Variants in AGGF1 observed in about 807,000 individuals in gnomAD.
AGGF1 encodes angiogenic factor with G patch and FHA domains 1.
In AGGF1, 56 loss-of-function variants were observed where a neutral mutation model predicts 86.5. The ratio of observed to expected loss-of-function variants is 0.65; its 90% CI spans 0.52 to 0.81. AGGF1 has a LOEUF of 0.81. Ranked by LOEUF, AGGF1 falls within the 30% of genes least tolerant of loss-of-function variation. The pLI, the probability that AGGF1 is intolerant of heterozygous loss-of-function variation, is 0.00. For missense variants in AGGF1, 816 were observed against 850.9 expected, an observed-to-expected ratio of 0.96 and a Z score of 0.51; for synonymous variants, 313 against 297.1, an observed-to-expected ratio of 1.05 and a Z score of -0.55.
At chr5:77,056,624 C>CCATCT (rs1424741607) in intron 11 of AGGF1, among the ~76,000 whole-genome samples, 3 of 150,620 alleles carry the variant, frequency 2.0e-5, no homozygotes, top group African/African-American at 7.3e-5. Context: ...ATACCTTGAA[C>CCATCT]CATCTATAAA....
chr5:77,035,518 T>A (rs1169663313), intron 2 of AGGF1, 23 bp from the exon 3 acceptor site: 14 of 1,570,688 alleles, frequency 8.9e-6, no homozygotes, highest in Non-Finnish European at 1.2e-5. Context: ...ATGATACGAT[T>A]TCACTTCATT....
intron 6 of AGGF1, among the ~76,000 whole-genome samples, chr5:77,047,159 G>T (rs1747270415): frequency 6.6e-6 from 1 of 152,042 alleles, no homozygotes; most frequent in Non-Finnish European, 1.5e-5. Flanking sequence ...GTATCCATGG[G>T]TTCTACTTTA....
Position 77,030,869 on chromosome 5 carries a change from G to A in AGGF1, c.103G>A (p.Glu35Lys). ...LRRKVEKLER[E>K]LRSCKRQVRE... ...GCGGAAGGTGGAGAAGTTGGAACGT[G>A]AACTGCGGAGCTGCAAGCGGCAGGT... Residue 35 changes from glutamate to lysine, a missense_variant, in exon 1 of 14, where the codon GAA (glutamate) becomes AAA (lysine). Glu to Lys is a moderately conservative substitution (Grantham distance 56). This residue lies in a region of AGGF1 where 240 missense variants were observed against 234.4 expected (regional missense o/e 1.02). Coordinates refer to ENST00000312916, the MANE Select transcript of AGGF1 (RefSeq NM_018046.5). 1 of 1,613,374 alleles carries A rather than the reference G, an allele frequency of 6.2e-7. No individual in the cohort carries two copies. Among genetic ancestry groups the A allele is most frequent in the South Asian group, 1.1e-5 (1 of 91,064 alleles).
chr5:77,030,451 T>C lies in AGGF1; in HGVS notation c.-316T>C. 1 of 557,804 alleles carries C rather than the reference T, an allele frequency of 1.8e-6. No individual in the cohort carries two copies. Among genetic ancestry groups the C allele is most frequent in the South Asian group, 1.5e-5 (1 of 65,552 alleles). The allele number at this position is 557,804 out of a possible 1,614,324, so 34.6% of individuals were successfully genotyped here. Reference sequence around the variant, plus strand: ...GGGAGCTGCTGGAGCTCTTCTGGCCTCTGGTTTTCCGACTGCTTATCCGAC... The same window carrying C: ...GGGAGCTGCTGGAGCTCTTCTGGCCCCTGGTTTTCCGACTGCTTATCCGAC... On this transcript the variant is annotated 5_prime_UTR_variant, in exon 1 of 14. Coordinates refer to ENST00000312916, the MANE Select transcript of AGGF1 (RefSeq NM_018046.5).
intron 5 of AGGF1, among the ~76,000 whole-genome samples, chr5:77,041,333 G>A (rs1214355415): frequency 3.3e-5 from 5 of 152,118 alleles, no homozygotes; most frequent in Admixed American, 1.3e-4. Context: ...TTGGGAGGCC[G>A]AGGCAGGCGG....
At chr5:77,056,426 C>G (rs1747460230) in intron 11 of AGGF1, among the ~76,000 whole-genome samples, 1 of 151,742 alleles carries the variant, frequency 6.6e-6, no homozygotes, top group South Asian at 2.1e-4. Flanking sequence ...ACAAGGTTCA[C>G]AGCGTTGGCC....
chr5:77,038,954 T>C (rs1328198906), intron 4 of AGGF1, among the ~76,000 whole-genome samples: 1 of 152,192 alleles, frequency 6.6e-6, no homozygotes, highest in Non-Finnish European at 1.5e-5. Context: ...GTGGAGACAG[T>C]TTATTGATTG....
At chr5:77,059,232 ATCT>A (rs1357120739) in intron 11 of AGGF1, among the ~76,000 whole-genome samples, 1 of 152,214 alleles carries the variant, frequency 6.6e-6, no homozygotes, top group East Asian at 1.9e-4. Flanking sequence ...TCACCATGTC[ATCT>A]TCTTATGTAT....
intron 5 of AGGF1, among the ~76,000 whole-genome samples, chr5:77,044,348 G>T (rs10039814): frequency 0.3 from 45,458 of 152,100 alleles, 7,052 homozygotes; most frequent in Non-Finnish European, 0.31. Context: ...AGAATTTCCT[G>T]AGGATTCTAA....
intron 13 of AGGF1, 33 bp from the exon 14 acceptor site, chr5:77,063,019 A>G (rs916681290): frequency 6.2e-7 from 1 of 1,611,988 alleles, no homozygotes; most frequent in Non-Finnish European, 8.5e-7. Flanking sequence ...TTTAGACTCT[A>G]AAATAAGTCC....
At position 77,045,702 on chromosome 5, in the gene AGGF1, G is replaced by A. The variant is rs1052146936; in HGVS notation, c.871-645G>A. Among the ~76,000 whole-genome samples, 12 of 152,128 alleles carry A rather than the reference G, an allele frequency of 7.9e-5. 1 individual carries two copies. The highest frequency in any genetic ancestry group is 1.9e-4 in the African/African-American group (8 of 41,438). On this transcript the variant is annotated intron_variant, in intron 5 of 13. Transcript: ENST00000312916. ...GTAAAGCTAATTCTGTATTTTATTTGTGTTGACTAGCTAATTGATTACCAG... is the reference window on the plus strand; with the variant it reads ...GTAAAGCTAATTCTGTATTTTATTTATGTTGACTAGCTAATTGATTACCAG...
At chr5:77,044,667 G>A (rs1410043632) in intron 5 of AGGF1, among the ~76,000 whole-genome samples, 1 of 152,032 alleles carries the variant, frequency 6.6e-6, no homozygotes, top group Non-Finnish European at 1.5e-5. Flanking sequence ...GAACTTTTTT[G>A]CTATAATTTT....
At chr5:77,060,088 C>T (rs1225661489) in intron 12 of AGGF1, among the ~76,000 whole-genome samples, 1 of 152,196 alleles carries the variant, frequency 6.6e-6, no homozygotes, top group African/African-American at 2.4e-5. Flanking sequence ...ATGATCCGCC[C>T]ACCTTGGCCT....
chr5:77,035,882 A>C, intron 3 of AGGF1, 139 bp downstream of exon 3: 1 of 779,778 alleles, frequency 1.3e-6, no homozygotes, highest in Non-Finnish European at 2.1e-6. Flanking sequence ...AATTATGCAA[A>C]GAATGTTGTA....
intron 5 of AGGF1, among the ~76,000 whole-genome samples, chr5:77,043,681 T>TC (rs1249305434): frequency 4.4e-5 from 3 of 67,586 alleles, no homozygotes; most frequent in Non-Finnish European, 3.2e-5. Context: ...GGGGGGCTGA[T>TC]CCCCCCCACC....
At chr5:77,040,663 A>T (rs865818902) in intron 5 of AGGF1, among the ~76,000 whole-genome samples, 18 of 152,316 alleles carry the variant, frequency 1.2e-4, no homozygotes, top group Middle Eastern at 3.4e-3. Context: ...AGTGTTCTTT[A>T]TTTCTACTCT....
At chr5:77,033,373 GTGAA>G (rs1746906864) in intron 1 of AGGF1, among the ~76,000 whole-genome samples, 1 of 152,172 alleles carries the variant, frequency 6.6e-6, no homozygotes, top group Non-Finnish European at 1.5e-5. Flanking sequence ...AGGTGGTTTT[GTGAA>G]TTAATGAGAT....
chr5:77,045,639 A>C (rs1406082445), intron 5 of AGGF1, among the ~76,000 whole-genome samples: 1 of 152,256 alleles, frequency 6.6e-6, no homozygotes, highest in Non-Finnish European at 1.5e-5. Context: ...ATTTTGCTAC[A>C]TATTGAGTAC....
intron 4 of AGGF1, among the ~76,000 whole-genome samples, chr5:77,038,007 G>C (rs544237516): frequency 2.6e-5 from 4 of 152,244 alleles, no homozygotes; most frequent in African/African-American, 7.2e-5. Context: ...ATGTAATCTG[G>C]TTTTCTGAGG....
Sources: allele counts gnomAD v4.1 joint callset (sites outside exome capture counted in the v4.1 genomes callset), GRCh38; gene constraint gnomAD v4.1.1; regional missense constraint gnomAD v4.1.1; transcripts MANE v1.5; gene names NCBI Gene and HGNC (gene_info 2026-07-23, HGNC 2026-07-21).